The following DUSP11 variants were observed in gnomAD, a reference collection of about 807,000 sequenced individuals.
DUSP11 encodes the protein RNA/RNP complex-1-interacting phosphatase.
A neutral mutation model predicts 41.4 loss-of-function variants in DUSP11; 27 were observed. The observed-to-expected ratio is 0.65, with a 90% CI of 0.48 to 0.90. The LOEUF is 0.90. DUSP11 is among the 40% of genes least tolerant of loss of function. DUSP11 has a pLI of 0.00. For synonymous variants in DUSP11, 188 were observed against 159.3 expected (o/e 1.18, Z -1.35); for missense variants, 465 against 461.1 (o/e 1.01, Z -0.08).
chr2:73,762,769 A>C (rs1672387365), exon 9 of DUSP11: 1 of 1,613,722 alleles, frequency 6.2e-7, no homozygotes, highest in Admixed American at 1.7e-5. Flanking sequence ...TCACATTCCA[A>C]GAATACCTCC....
chr2:73,779,777 C>G (rs546521126), intron 1 of DUSP11, 97 bp downstream of exon 1: 3 of 1,551,590 alleles, frequency 1.9e-6, no homozygotes, highest in African/African-American at 2.7e-5. Flanking sequence ...GTCAAGCTTG[C>G]GATGGCAACG....
chr2:73,779,304 G>A (rs1160761597), intron 1 of DUSP11, among the ~76,000 whole-genome samples: 1 of 152,182 alleles, frequency 6.6e-6, no homozygotes, highest in African/African-American at 2.4e-5. Context: ...GATTTATTGA[G>A]GTATGAGATG....
intron 8 of DUSP11, among the ~76,000 whole-genome samples, chr2:73,764,462 C>T (rs559630702): frequency 6.6e-6 from 1 of 152,176 alleles, no homozygotes; most frequent in Non-Finnish European, 1.5e-5. Context: ...AAAGTGTTTA[C>T]AACGTGCTAA....
chr2:73,775,901 T>G (rs1273079183), intron 2 of DUSP11, among the ~76,000 whole-genome samples: 1 of 146,724 alleles, frequency 6.8e-6, no homozygotes, highest in South Asian at 2.2e-4. Context: ...GATAGGGTCT[T>G]GCCGTCTTGC....
intron 5 of DUSP11, chr2:73,769,040 G>A (rs1392245053): frequency 2.6e-6 from 1 of 385,632 alleles, no homozygotes; most frequent in African/African-American, 2.1e-5. Flanking sequence ...AAAACAGAAT[G>A]TCTAACTATT....
At chr2:73,766,547 G>A in exon 8 of DUSP11, 1 of 1,613,868 alleles carries the variant, frequency 6.2e-7, no homozygotes, top group Non-Finnish European at 8.5e-7. Context: ...CATGAGATGT[G>A]CTGAGTCTTC....
chr2:73,773,863 C>T, exon 4 of DUSP11: 1 of 1,605,308 alleles, frequency 6.2e-7, no homozygotes, highest in East Asian at 2.2e-5. Context: ...ATAGTCTCAT[C>T]ATCAGGCACT....
chr2:73,768,104 T>C (rs1054111567), intron 5 of DUSP11: 1 of 152,244 alleles, frequency 6.6e-6, no homozygotes, highest in Non-Finnish European at 1.5e-5. Context: ...CCTGTTAATA[T>C]GGTCTCTGCT....
At chr2:73,769,365 T>C (rs762503598) in intron 4 of DUSP11, 40 bp from the exon 5 acceptor site, 11 of 1,387,272 alleles carry the variant, frequency 7.9e-6, no homozygotes, top group Admixed American at 7.0e-5. Flanking sequence ...CTGAAGTAGA[T>C]ACACAAGTAT....
intron 2 of DUSP11, 31 bp downstream of exon 2, chr2:73,778,270 C>T (rs1357545335): frequency 1.4e-5 from 21 of 1,506,236 alleles, no homozygotes; most frequent in Non-Finnish European, 1.8e-5. Context: ...ACTCAGATGC[C>T]TGAAAGAATA....
intron 8 of DUSP11, among the ~76,000 whole-genome samples, chr2:73,764,418 A>G (rs1573175729): frequency 2.0e-5 from 3 of 152,150 alleles, no homozygotes; most frequent in African/African-American, 7.2e-5. Flanking sequence ...GTGTGAGCCA[A>G]TGCACCTGGC....
exon 1 of DUSP11, chr2:73,780,007 A>G: frequency 1.2e-6 from 2 of 1,614,230 alleles, no homozygotes; most frequent in Non-Finnish European, 1.7e-6. Flanking sequence ...CCCAATGCCA[A>G]GTCGGCCAAA....
rs575559808 is a variant in DUSP11, at chr2:73,763,647, C to T, written c.936-788G>A. Among the ~76,000 whole-genome samples the T allele has an allele frequency of 3.8e-3, 583 of 152,130 alleles. 1 individual carries two copies. Among genetic ancestry groups the T allele is most frequent in the Non-Finnish European group, 6.4e-3 (434 of 67,982 alleles). ...CTGAGGCAGGAGAATCATTTGAAAC[C>T]GGGAGGTGGAGGTTGCGGTGAGCTG... On this transcript the variant is annotated intron_variant, in intron 8 of 8. Coordinates refer to ENST00000272444, the Ensembl canonical transcript of DUSP11.
At chr2:73,765,813 C>T (rs1672449793) in intron 8 of DUSP11, among the ~76,000 whole-genome samples, 1 of 152,180 alleles carries the variant, frequency 6.6e-6, no homozygotes, top group Admixed American at 6.5e-5. Flanking sequence ...AACTATACTA[C>T]ATTAATGTAG....
chr2:73,778,948 G>C (rs1166203030), intron 1 of DUSP11, among the ~76,000 whole-genome samples: 1 of 152,094 alleles, frequency 6.6e-6, no homozygotes, highest in African/African-American at 2.4e-5. Context: ...AGGAGTTCGA[G>C]ACCAGCCTGA....
intron 1 of DUSP11, 61 bp downstream of exon 1, chr2:73,779,813 G>A (rs1295271395): frequency 1.2e-6 from 2 of 1,600,122 alleles, no homozygotes; most frequent in Non-Finnish European, 1.7e-6. Flanking sequence ...CACAAACGAT[G>A]AAGCCCAGAC....
At chr2:73,772,005 A>T (rs1672592675) in intron 4 of DUSP11, among the ~76,000 whole-genome samples, 1 of 149,568 alleles carries the variant, frequency 6.7e-6, no homozygotes, top group African/African-American at 2.5e-5. Context: ...TATTTTTAGT[A>T]GAGATGGGGT....
intron 3 of DUSP11, among the ~76,000 whole-genome samples, chr2:73,774,358 G>C (rs999727428): frequency 6.6e-6 from 1 of 152,136 alleles, no homozygotes; most frequent in African/African-American, 2.4e-5. Flanking sequence ...CGATATTCTT[G>C]GGGTGGGAGA....
chr2:73,770,997 G>C (rs1355068366), intron 4 of DUSP11, among the ~76,000 whole-genome samples: 1 of 152,172 alleles, frequency 6.6e-6, no homozygotes, highest in African/African-American at 2.4e-5. Context: ...CCAATGGCTT[G>C]GTTCATTACT....
Sources: gnomAD v4.1 joint callset for allele counts (sites outside exome capture counted in the v4.1 genomes callset) on GRCh38, gnomAD v4.1.1 for gene constraint, MANE v1.5 for transcripts, NCBI Gene and HGNC (gene_info 2026-07-23, HGNC 2026-07-21) for gene names.